CCDC171: variants seen among roughly 807,000 people sequenced by gnomAD.
The protein encoded by CCDC171 is coiled-coil domain-containing protein 171.
Under a neutral mutation model 168.2 loss-of-function variants are expected in CCDC171, and 177 were observed. That is an observed-to-expected ratio of 1.05 (90% CI 0.93 to 1.19). The LOEUF is 1.19. Ranked by LOEUF, CCDC171 falls within the 50% of genes most tolerant of loss-of-function variation. The pLI is 0.00. For missense variants in CCDC171, 1,991 were observed against 1,539.0 expected, an observed-to-expected ratio of 1.29 and a Z score of -4.91; for synonymous variants, 687 against 540.8, an observed-to-expected ratio of 1.27 and a Z score of -3.75.
intron 1 of CCDC171, among the ~76,000 whole-genome samples, chr9:16,051,523 A>G (rs1432463108): frequency 1.3e-5 from 2 of 152,200 alleles, no homozygotes; most frequent in African/African-American, 4.8e-5. Flanking sequence ...GTTGTGGCCC[A>G]AACACTCCCT....
intron 21 of CCDC171, among the ~76,000 whole-genome samples, chr9:15,790,175 A>G (rs1410777492): frequency 6.6e-5 from 10 of 152,192 alleles, no homozygotes; most frequent in Non-Finnish European, 1.3e-4. Flanking sequence ...GAATTGCCGC[A>G]TTGTCTTCCA....
At chr9:15,834,370 A>T (rs1006532529) in intron 21 of CCDC171, among the ~76,000 whole-genome samples, 6 of 152,298 alleles carry the variant, frequency 3.9e-5, no homozygotes, top group African/African-American at 1.4e-4. Flanking sequence ...ATTTTACCCC[A>T]TGTGGGGATA....
intron 24 of CCDC171, among the ~76,000 whole-genome samples, chr9:15,896,251 A>G (rs1341432845): frequency 1.3e-5 from 2 of 152,040 alleles, no homozygotes; most frequent in African/African-American, 4.8e-5. Flanking sequence ...TAAGTTGTAT[A>G]TGCCATGGTT....
chr9:15,934,626 A>G (rs975698582), intron 25 of CCDC171, among the ~76,000 whole-genome samples: 1 of 152,116 alleles, frequency 6.6e-6, no homozygotes, highest in Middle Eastern at 3.4e-3. Flanking sequence ...GAGTTACCAT[A>G]TGACCCAGCA....
At chr9:16,089,321 G>A in the CCDC171 span, among the ~76,000 whole-genome samples, 1 of 151,906 alleles carries the variant, frequency 6.6e-6, no homozygotes, top group Non-Finnish European at 1.5e-5. Context: ...CTCCCATTCT[G>A]TAGGTTGCCT....
chr9:15,908,971 A>G (rs1823189538), intron 24 of CCDC171, among the ~76,000 whole-genome samples: 1 of 152,174 alleles, frequency 6.6e-6, no homozygotes, highest in Non-Finnish European at 1.5e-5. Flanking sequence ...AAACTATATC[A>G]ACAACCAACT....
chr9:15,617,635 A>G (rs1587447158), intron 6 of CCDC171, among the ~76,000 whole-genome samples: 1 of 151,914 alleles, frequency 6.6e-6, no homozygotes, highest in East Asian at 1.9e-4. Flanking sequence ...CTCGGCCTCC[A>G]AAAGTGCTGG....
At position 15,972,059 on chromosome 9, in the gene CCDC171, A is replaced by G. The variant is rs1471969205; in HGVS notation, c.*223A>G. The G allele has an allele frequency of 2.0e-6, 1 of 505,214 alleles. No individual in the cohort carries two copies. Among genetic ancestry groups the G allele is most frequent in the South Asian group, 3.2e-5 (1 of 31,508 alleles). The allele number at this position is 505,214 out of a possible 1,614,324, so 31.3% of individuals were successfully genotyped here. On this transcript the variant is annotated 3_prime_UTR_variant, in exon 26 of 26. Transcript: ENST00000380701. ...TTTGTTATCACAGTTGCTCATTTTT[A>G]TGTAACATATTTTTAAATGTTAAGG... is the stretch of plus-strand genomic sequence containing the variant.
chr9:15,952,732 T>G (rs1829345741), intron 25 of CCDC171, among the ~76,000 whole-genome samples: 1 of 152,120 alleles, frequency 6.6e-6, no homozygotes, highest in Admixed American at 6.6e-5. Flanking sequence ...TTCATTGGGA[T>G]TTTGATAGGG....
intron 18 of CCDC171, among the ~76,000 whole-genome samples, chr9:15,757,071 C>T (rs976108759): frequency 3.3e-5 from 5 of 151,978 alleles, no homozygotes; most frequent in African/African-American, 4.8e-5. Context: ...TAGAGTGGGG[C>T]GTTGCTGAAA....
chr9:15,908,600 A>G (rs988709574), intron 24 of CCDC171, among the ~76,000 whole-genome samples: 2 of 152,234 alleles, frequency 1.3e-5, no homozygotes, highest in Admixed American at 1.3e-4. Flanking sequence ...GCACATGTAT[A>G]CATATGAACT....
intron 22 of CCDC171, among the ~76,000 whole-genome samples, chr9:15,847,949 T>G (rs1377492167): frequency 6.6e-6 from 1 of 152,012 alleles, no homozygotes; most frequent in Non-Finnish European, 1.5e-5. Context: ...CCATCTGAGG[T>G]GTATGTTTTT....
the CCDC171 span, among the ~76,000 whole-genome samples, chr9:16,081,588 C>G: frequency 1.3e-5 from 2 of 152,180 alleles, no homozygotes; most frequent in African/African-American, 2.4e-5. Context: ...AAGGGCCAAG[C>G]TGGGAACATT....
chr9:16,059,750 A>G lies in CCDC171; in HGVS notation n.90-896A>G, dbSNP rs1287541258. 8.7e-5 allele frequency among the ~76,000 whole-genome samples: 13 copies of G among 149,076 alleles called. No individual in the cohort carries two copies. In the South Asian group the frequency reaches 2.8e-3, roughly 32 times the overall value. ...AGGATGGTCTCGATCGCCTGACCTC[A>G]TGATCCACCCGCCTCGGCCTCCCAA... On this transcript the variant is annotated intron_variant and non_coding_transcript_variant, in intron 1 of 1. Transcript: ENST00000478913.
At chr9:15,757,532 C>A (rs2135006953) in intron 18 of CCDC171, among the ~76,000 whole-genome samples, 1 of 152,254 alleles carries the variant, frequency 6.6e-6, no homozygotes, top group East Asian at 1.9e-4. Flanking sequence ...TGCAGCCTGA[C>A]AATGTGGTAG....
At chr9:15,987,939 G>C (rs547839494) in intron 3 of CCDC171, among the ~76,000 whole-genome samples, 1 of 152,084 alleles carries the variant, frequency 6.6e-6, no homozygotes, top group Non-Finnish European at 1.5e-5. Context: ...CTGAACCATT[G>C]GGAAAAAAGG....
At chr9:15,986,376 A>G (rs977301582) in intron 3 of CCDC171, among the ~76,000 whole-genome samples, 1 of 152,220 alleles carries the variant, frequency 6.6e-6, no homozygotes, top group Non-Finnish European at 1.5e-5. Flanking sequence ...AATCACCTTC[A>G]GAAAGGCTGT....
intron 9 of CCDC171, among the ~76,000 whole-genome samples, chr9:15,667,603 G>A (rs1312892299): frequency 1.3e-5 from 2 of 152,050 alleles, no homozygotes; most frequent in Non-Finnish European, 2.9e-5. Context: ...CTGAGATCGC[G>A]CCATTGCACT....
intron 25 of CCDC171, among the ~76,000 whole-genome samples, chr9:15,932,906 G>T (rs1826697696): frequency 6.6e-6 from 1 of 151,906 alleles, no homozygotes; most frequent in African/African-American, 2.4e-5. Flanking sequence ...ATGGATTTGT[G>T]TATATTAAAC....
Sources: gnomAD v4.1 joint callset for allele counts (sites outside exome capture counted in the v4.1 genomes callset) on GRCh38, gnomAD v4.1.1 for gene constraint, MANE v1.5 for transcripts, NCBI Gene and HGNC (gene_info 2026-07-23, HGNC 2026-07-21) for gene names.